AP4M1: variants seen among roughly 807,000 people sequenced by gnomAD.
AP4M1 encodes adaptor related protein complex 4 subunit mu 1, also known as AP-4 complex subunit mu-1.
AP4M1 carries 58 observed loss-of-function variants against 62.4 expected under a neutral mutation model. The ratio of observed to expected loss-of-function variants is 0.93; its 90% CI spans 0.75 to 1.16. AP4M1 has a LOEUF of 1.16. Among genes scored for constraint, AP4M1 ranks in the 50% most tolerant of loss-of-function variants. The pLI, the probability that AP4M1 is intolerant of heterozygous loss-of-function variation, is 0.00. For synonymous variants in AP4M1, 290 were observed against 239.7 expected (o/e 1.21, Z -1.94); for missense variants, 626 against 585.4 (o/e 1.07, Z -0.72).
At position 100,106,546 on chromosome 7, in the gene AP4M1, C is replaced by T. The variant is rs4134933; in HGVS notation, c.1137+32C>T. 8.7e-5 allele frequency: 139 copies of T among 1,602,274 alleles called. 2 individuals are homozygous for T. In the South Asian group the frequency reaches 1.3e-3, roughly 14 times the overall value. ...GCTGTGGACCCCCAGCCCCTCTCCT[C>T]CCACATTCACTTGCAGCCCCCACCC... On this transcript the variant is annotated intron_variant, in intron 14 of 14. Transcript: ENST00000359593.
chr7:100,104,818 C>T, intron 7 of AP4M1, 56 bp from the exon 8 acceptor site: 1 of 1,599,462 alleles, frequency 6.3e-7, no homozygotes, highest in Non-Finnish European at 8.6e-7. Flanking sequence ...CAGAGCGAGA[C>T]CGTCTCAAAA....
At chr7:100,103,061 CTTTTTTTT>C in intron 4 of AP4M1, 101 bp downstream of exon 4, 19 of 530,310 alleles carry the variant, frequency 3.6e-5, no homozygotes, top group African/African-American at 5.3e-5. Context: ...CCAAGTCTAC[CTTTTTTTT>C]TTTTTTTTTT....
At position 100,107,708 on chromosome 7, in the gene AP4M1, G is replaced by A; in HGVS notation, c.*826G>A. The A allele has an allele frequency of 6.5e-7, 1 of 1,538,150 alleles. No individual in the cohort carries two copies. The highest frequency in any genetic ancestry group is 8.7e-7 in the Non-Finnish European group (1 of 1,144,556). On this transcript the variant is annotated 3_prime_UTR_variant, in exon 15 of 15. Transcript: ENST00000359593. ...GGCGAGGACGCTTCACTCGCTCCCT[G>A]CCTGAACAAGTTGTTCCTGTAGTTC...
chr7:100,107,009 C>G lies in AP4M1; in HGVS notation c.*127C>G. 7.8e-7 allele frequency: 1 copy of G among 1,278,028 alleles called. No homozygotes were observed. Among genetic ancestry groups the G allele is most frequent in the South Asian group, 1.3e-5 (1 of 78,966 alleles). 79.2% of individuals were successfully genotyped at this position (1,278,028 alleles called of 1,614,324 possible). On this transcript the variant is annotated 3_prime_UTR_variant, in exon 15 of 15. Coordinates refer to ENST00000359593, the MANE Select transcript of AP4M1 (RefSeq NM_004722.4). ...CAGGAAGAGTCCTCAGTCCCAAGACCAGGAGGGGGCAATGGGCCCAGCCTT... is the reference window on the plus strand; with the variant it reads ...CAGGAAGAGTCCTCAGTCCCAAGACGAGGAGGGGGCAATGGGCCCAGCCTT...
chr7:100,101,197 C>T (rs2116607652), upstream of AP4M1: 1 of 1,593,104 alleles, frequency 6.3e-7, no homozygotes, highest in Admixed American at 1.7e-5. Flanking sequence ...GACCCCAGCT[C>T]ACACCAACAG....
chr7:100,102,844 C>T lies in AP4M1; in HGVS notation c.255-20C>T, dbSNP rs764534692. 1.3e-5 allele frequency: 21 copies of T among 1,613,430 alleles called. No individual in the cohort carries two copies. The highest frequency in any genetic ancestry group is 4.4e-5 in the South Asian group (4 of 91,072). ...GGGTCTGAGAGGAGGAGAAAATACA[C>T]GCTCCAAGTGTTTCCTCAGGTTGGC... On this transcript the variant is annotated intron_variant, in intron 3 of 14. Transcript: ENST00000359593.
intron 7 of AP4M1, 62 bp downstream of exon 7, chr7:100,104,216 T>G (rs569019235): frequency 1.4e-6 from 2 of 1,449,252 alleles, no homozygotes; most frequent in Non-Finnish European, 1.9e-6. Context: ...CATGGTGGGG[T>G]GGCTAAGACT....
Position 100,106,291 on chromosome 7 carries a change from G to A in AP4M1, c.1025G>A (p.Ser342Asn). ...CTCCCCCTGCCTCGAGGGGTGGTCA[G>A]GTGAGTGTGTGCACCCACCACGGGG... ...LHLPLPRGVV[S>N]LSQELSSPEQ... Residue 342 changes from serine to asparagine, a missense_variant and splice_region_variant, in exon 13 of 15, where the codon AGC (serine) becomes AAC (asparagine). By Grantham distance (46) the Ser-to-Asn change is conservative (BLOSUM62 1). Transcript: ENST00000359593. The A allele has an allele frequency of 6.2e-7, 1 of 1,614,064 alleles. No homozygotes were observed. Among genetic ancestry groups the A allele is most frequent in the Non-Finnish European group, 8.5e-7 (1 of 1,180,016 alleles).
chr7:100,106,959 C>T lies in AP4M1; in HGVS notation c.*77C>T. ...GGACAGTCGTTTCTTTTCCAGCCTC[C>T]TGGCCTTCGGACTCTGAATCTGGGC... On this transcript the variant is annotated 3_prime_UTR_variant, in exon 15 of 15. Transcript: ENST00000359593. The T allele has an allele frequency of 6.7e-7, 1 of 1,492,310 alleles. No homozygotes were observed. 92.4% of individuals were successfully genotyped at this position (1,492,310 alleles called of 1,614,324 possible).
chr7:100,104,759 A>G lies in AP4M1; in HGVS notation c.607-115A>G, dbSNP rs1479124384. On this transcript the variant is annotated intron_variant, in intron 7 of 14. Coordinates refer to ENST00000359593, the MANE Select transcript of AP4M1 (RefSeq NM_004722.4). ...GGCAGGAGAATGTCTTGAACCTGGGAGGTGGAGGTTGCAGTGAGCCGAGAT... is the reference window on the plus strand; with the variant it reads ...GGCAGGAGAATGTCTTGAACCTGGGGGGTGGAGGTTGCAGTGAGCCGAGAT... 3 of 1,090,696 alleles carry G rather than the reference A, an allele frequency of 2.8e-6. No homozygotes were observed. The African/African-American group carries it at 4.6e-5, about 17-fold the overall frequency. The allele number at this position is 1,090,696 out of a possible 1,614,324, so 67.6% of individuals were successfully genotyped here.
rs1307609048 is a variant in AP4M1 at position 100,107,686 on chromosome 7, G to A, written c.*804G>A. The stretch of plus-strand genomic sequence containing the variant: ...CCTCCCTGCCCCCCAGAGGCCTGGC[G>A]AGGACGCTTCACTCGCTCCCTGCCT... On this transcript the variant is annotated 3_prime_UTR_variant, in exon 15 of 15. Coordinates refer to ENST00000359593, the MANE Select transcript of AP4M1 (RefSeq NM_004722.4). The A allele has an allele frequency of 1.3e-5, 20 of 1,578,290 alleles. No individual in the cohort carries two copies. The highest frequency in any genetic ancestry group is 2.7e-5 in the African/African-American group (2 of 73,102).
chr7:100,103,484 C>T lies in AP4M1; in HGVS notation c.427C>T (p.Pro143Ser). The change falls in exon 5 of 15, where the codon CCC (proline) becomes TCC (serine). Residue 143 changes from proline (P) to serine (S), a missense_variant. Physicochemically the swap from Pro to Ser is moderately conservative, Grantham distance 74. Transcript: ENST00000359593. ...CCAGACGGAAGCTGTGGTCAGCAAG[C>T]CCTTCAGCCTCTTTGACCTCAGCAG... ...FIQTEAVVSKPFSLFDLSSVG... is the reference protein window; with the variant it reads ...FIQTEAVVSKSFSLFDLSSVG... The T allele has an allele frequency of 5.0e-6, 8 of 1,614,176 alleles. No homozygotes were observed. The highest frequency in any genetic ancestry group is 6.8e-6 in the Non-Finnish European group (8 of 1,180,046).
chr7:100,101,449 C>T (rs1796025002), upstream of AP4M1: 8 of 1,016,856 alleles, frequency 7.9e-6, 1 homozygote, highest in South Asian at 7.2e-5. Context: ...GCGGGCCAAT[C>T]GGACAAGGCG....
At position 100,105,517 on chromosome 7, in the gene AP4M1, C is replaced by T. The variant is rs1174289372; in HGVS notation, c.907C>T (p.Gln303Ter). The T allele has an allele frequency of 6.2e-7, 1 of 1,613,594 alleles. No homozygotes were observed. Among genetic ancestry groups the T allele is most frequent in the Non-Finnish European group, 8.5e-7 (1 of 1,179,992 alleles). ...PLPFRLFPSV[Q>*]WDRGSGRLQV... is the part of the protein sequence containing the mutation. ...CCCCTTCCGGCTCTTCCCCTCTGTG[C>T]AGTGGGACCGAGGCTCAGGCCGGTG... The change falls in exon 11 of 15, where the codon CAG (glutamine) becomes TAG (stop). Residue 303 changes from glutamine (Q) to a stop codon, truncating the protein, a stop_gained. Coordinates refer to ENST00000359593, the MANE Select transcript of AP4M1 (RefSeq NM_004722.4). LOFTEE classifies it high-confidence loss of function.
chr7:100,102,487 G>T (rs141432863), intron 2 of AP4M1, 188 bp from the exon 3 acceptor site: 1 of 646,932 alleles, frequency 1.5e-6, no homozygotes, highest in African/African-American at 1.8e-5. Context: ...TCAGCAACTC[G>T]GGGTAGTTAG....
At position 100,106,889 on chromosome 7, in the gene AP4M1, C is replaced by G. The variant is rs1796562268; in HGVS notation, c.*7C>G. ...CTATGTCATTCGGATCTGAGGCTCC[C>G]CAAACGAGGACACGACGGCCAAGGT... On this transcript the variant is annotated 3_prime_UTR_variant, in exon 15 of 15. Coordinates refer to ENST00000359593, the MANE Select transcript of AP4M1 (RefSeq NM_004722.4). The G allele has an allele frequency of 6.2e-7, 1 of 1,611,338 alleles. No individual in the cohort carries two copies. Among genetic ancestry groups the G allele is most frequent in the Non-Finnish European group, 8.5e-7 (1 of 1,179,766 alleles).
chr7:100,102,591 C>T (rs1172461039), intron 2 of AP4M1, 84 bp from the exon 3 acceptor site: 4 of 1,208,020 alleles, frequency 3.3e-6, no homozygotes, highest in Admixed American at 1.8e-5. Context: ...TAAGAGGCAT[C>T]GGGATCCGAG....
chr7:100,107,819 C>T lies in AP4M1; in HGVS notation c.*937C>T. On this transcript the variant is annotated 3_prime_UTR_variant, in exon 15 of 15. Transcript: ENST00000359593. ...ACCCTGGTGGGCGCCTCTTCCAGCT[C>T]TTGACTTGGGGCCCAGAGGGGACTG... is the stretch of plus-strand genomic sequence containing the variant. The T allele has an allele frequency of 6.9e-7, 1 of 1,445,674 alleles. No individual in the cohort carries two copies. Among genetic ancestry groups the T allele is most frequent in the Non-Finnish European group, 9.2e-7 (1 of 1,081,336 alleles). The allele number at this position is 1,445,674 out of a possible 1,614,324, so 89.6% of individuals were successfully genotyped here.
intron 11 of AP4M1, 88 bp from the exon 12 acceptor site, chr7:100,105,871 C>A: frequency 6.7e-7 from 1 of 1,488,446 alleles, no homozygotes; most frequent in Non-Finnish European, 9.4e-7. Flanking sequence ...CCCACACCCA[C>A]ACAGCCCCAC....
Sources: allele counts gnomAD v4.1 joint callset, GRCh38; gene constraint gnomAD v4.1.1; transcripts MANE v1.5; gene names NCBI Gene and HGNC (gene_info 2026-07-23, HGNC 2026-07-21).